SPMIP7: variants seen among roughly 807,000 people sequenced by gnomAD.
The protein encoded by SPMIP7 is protein SPMIP7.
chr7:50,158,945 CT>C, the SPMIP7 span: 5 of 1,279,128 alleles, frequency 3.9e-6, no homozygotes, highest in East Asian at 2.6e-5. Flanking sequence ...GCGCGCTCCC[CT>C]CCCCTTCCCG....
At chr7:50,148,829 T>C in the SPMIP7 span, among the ~76,000 whole-genome samples, 124,131 of 152,140 alleles carry the variant, frequency 0.82, 50,670 homozygotes, top group East Asian at 0.92. Context: ...GTGCTCAGGC[T>C]ACACCACTTA....
chr7:50,158,202 C>T, the SPMIP7 span, among the ~76,000 whole-genome samples: 1 of 150,464 alleles, frequency 6.6e-6, no homozygotes, highest in African/African-American at 2.4e-5. Context: ...AGGCCCAGGA[C>T]CCTTCCACCC....
chr7:50,149,021 T>C, the SPMIP7 span, among the ~76,000 whole-genome samples: 1 of 152,092 alleles, frequency 6.6e-6, no homozygotes. Flanking sequence ...GGTGCACACC[T>C]GTAATAGCAG....
the SPMIP7 span, among the ~76,000 whole-genome samples, chr7:50,139,368 A>G: frequency 1.3e-5 from 2 of 152,056 alleles, no homozygotes; most frequent in African/African-American, 4.8e-5. Flanking sequence ...AAAAAAGAAA[A>G]AAAAAGATTC....
the SPMIP7 span, chr7:50,141,341 G>T: frequency 1.3e-6 from 2 of 1,551,954 alleles, no homozygotes; most frequent in Non-Finnish European, 1.7e-6. Context: ...ACATCGCATC[G>T]CTAGCCAAGC....
chr7:50,121,418 C>T, the SPMIP7 span: 40 of 152,318 alleles, frequency 2.6e-4, no homozygotes, highest in African/African-American at 9.4e-4. Flanking sequence ...AGCAGCCAAG[C>T]TTTCAGCCAA....
chr7:50,138,964 TG>T, the SPMIP7 span, among the ~76,000 whole-genome samples: 1 of 152,300 alleles, frequency 6.6e-6, no homozygotes, highest in South Asian at 2.1e-4. Flanking sequence ...ATTTAAAGTA[TG>T]GTTTTGCCAA....
chr7:50,105,893 C>T, the SPMIP7 span, among the ~76,000 whole-genome samples: 62 of 152,120 alleles, frequency 4.1e-4, no homozygotes, highest in Admixed American at 2.6e-4. Flanking sequence ...TCAAAGTGAA[C>T]CTTATAAGAA....
the SPMIP7 span, among the ~76,000 whole-genome samples, chr7:50,124,573 A>G: frequency 6.6e-6 from 1 of 152,206 alleles, no homozygotes; most frequent in Non-Finnish European, 1.5e-5. Context: ...ATCAATGACC[A>G]TAAGACATCT....
chr7:50,096,591 G>T, the SPMIP7 span: 1 of 1,551,098 alleles, frequency 6.4e-7, no homozygotes, highest in Non-Finnish European at 8.7e-7. Context: ...AACAGGAGAT[G>T]GAATTCCAGG....
chr7:50,135,748 G>A, the SPMIP7 span, among the ~76,000 whole-genome samples: 2 of 152,178 alleles, frequency 1.3e-5, no homozygotes, highest in African/African-American at 4.8e-5. Flanking sequence ...GTGGGAAACT[G>A]GCCTGGGTTT....
chr7:50,121,487 T>C, the SPMIP7 span, among the ~76,000 whole-genome samples: 1 of 152,178 alleles, frequency 6.6e-6, no homozygotes, highest in Admixed American at 6.5e-5. Context: ...ACTGTAACCA[T>C]GTAGACTATT....
chr7:50,147,703 G>C, the SPMIP7 span, among the ~76,000 whole-genome samples: 2 of 151,932 alleles, frequency 1.3e-5, no homozygotes, highest in African/African-American at 4.8e-5. Flanking sequence ...TAAACTTCTT[G>C]ATTTTCTTAA....
At chr7:50,116,888 GA>G in the SPMIP7 span, among the ~76,000 whole-genome samples, 5 of 152,070 alleles carry the variant, frequency 3.3e-5, no homozygotes, top group African/African-American at 1.2e-4. Flanking sequence ...CTGTTTTCAA[GA>G]AAAAAATGTT....
At chr7:50,151,324 A>C in the SPMIP7 span, 1 of 788,390 alleles carries the variant, frequency 1.3e-6, no homozygotes, top group East Asian at 2.7e-5. Context: ...CACCTCATAC[A>C]GGAAAAAAAA....
At chr7:50,136,388 A>C in the SPMIP7 span, among the ~76,000 whole-genome samples, 1 of 152,048 alleles carries the variant, frequency 6.6e-6, no homozygotes, top group African/African-American at 2.4e-5. Context: ...CCCTAACCCT[A>C]ACATGGTGAA....
the SPMIP7 span, among the ~76,000 whole-genome samples, chr7:50,104,943 C>T: frequency 6.6e-6 from 1 of 152,188 alleles, no homozygotes; most frequent in Non-Finnish European, 1.5e-5. Flanking sequence ...CTCTCTGAAT[C>T]CCTGCTCCTT....
At chr7:50,117,900 T>G in the SPMIP7 span, among the ~76,000 whole-genome samples, 21 of 152,276 alleles carry the variant, frequency 1.4e-4, no homozygotes, top group South Asian at 3.1e-3. Context: ...GACCCCCCAT[T>G]AAAAACAGTC....
chr7:50,146,028 A>C, the SPMIP7 span, among the ~76,000 whole-genome samples: 1 of 152,158 alleles, frequency 6.6e-6, no homozygotes, highest in African/African-American at 2.4e-5. Flanking sequence ...CCCATGGAAA[A>C]GGGGGCTTCC....
Sources: gnomAD v4.1 joint callset for allele counts (sites outside exome capture counted in the v4.1 genomes callset) on GRCh38, gnomAD v4.1.1 for gene constraint, MANE v1.5 for transcripts, NCBI Gene and HGNC (gene_info 2026-07-23, HGNC 2026-07-21) for gene names.